CNTNAP3: variants seen among roughly 807,000 people sequenced by gnomAD.
CNTNAP3 encodes contactin associated protein family member 3, also known as contactin-associated protein-like 3.
In CNTNAP3, 36 loss-of-function variants were observed where a neutral mutation model predicts 92.1. The ratio of observed to expected loss-of-function variants is 0.39; its 90% CI spans 0.30 to 0.52. The LOEUF (loss-of-function observed/expected upper bound fraction) is 0.52. Among genes scored for constraint, CNTNAP3 ranks in the 20% least tolerant of loss-of-function variants. The pLI, the probability that CNTNAP3 is intolerant of heterozygous loss-of-function variation, is 0.76. For missense variants in CNTNAP3, 534 were observed against 1,069.6 expected, an observed-to-expected ratio of 0.50 and a Z score of 6.98; for synonymous variants, 232 against 422.3, an observed-to-expected ratio of 0.55 and a Z score of 5.53.
intron 10 of CNTNAP3, among the ~76,000 whole-genome samples, chr9:39,148,342 T>A (rs373138989): frequency 2.4e-4 from 37 of 152,346 alleles, no homozygotes; most frequent in African/African-American, 8.7e-4. Context: ...ACAGTCCATA[T>A]GAATGAACTT....
chr9:39,136,029 C>T (rs1175746757), intron 12 of CNTNAP3, among the ~76,000 whole-genome samples: 1 of 151,386 alleles, frequency 6.6e-6, no homozygotes, highest in African/African-American at 2.4e-5. Flanking sequence ...CCGGGGAGGC[C>T]GAGGCAGAAG....
chr9:39,078,839 C>A lies in CNTNAP3; in HGVS notation c.3524G>T (p.Arg1175Leu). Residue 1175 changes from arginine (R) to leucine (L), a missense_variant, in exon 22 of 24, where the codon CGC becomes CTC. Arg to Leu is a moderately radical substitution (Grantham distance 102, BLOSUM62 -2). Transcript: ENST00000297668. ...TGCLSAVRFG[R>L]AAPLKAALRP... is the part of the protein sequence containing the mutation. ...CAGCGCCGCCTTCAGGGGAGCAGCG[C>A]GGCCGAAGCGCACCGCCGAGAGGCA... 2.0e-6 allele frequency: 3 copies of A among 1,533,404 alleles called. No individual in the cohort carries two copies. The South Asian group carries it at 3.6e-5, about 18-fold the overall frequency. 95.0% of individuals were successfully genotyped at this position (1,533,404 alleles called of 1,614,324 possible).
In CNTNAP3 at chr9:39,069,400, T is replaced by A. The variant is rs1825587921; in HGVS notation, c.*4490A>T. Among the ~76,000 whole-genome samples, 1 of 152,312 alleles carries A rather than the reference T, an allele frequency of 6.6e-6. No individual in the cohort carries two copies. Among genetic ancestry groups the A allele is most frequent in the South Asian group, 2.1e-4 (1 of 4,838 alleles). On this transcript the variant is annotated 3_prime_UTR_variant, in exon 24 of 24. Transcript: ENST00000297668. The stretch of plus-strand genomic sequence containing the variant: ...CTATTTTAAGGGCTTTCTTAAATTT[T>A]TAGGTACCATCACAAGCTAGCTAAG...
rs1428467793 is a variant in CNTNAP3 at position 39,071,170 on chromosome 9, A to G, written c.*2720T>C. Among the ~76,000 whole-genome samples the G allele has an allele frequency of 1.3e-5, 2 of 152,142 alleles. No homozygotes were observed. The highest frequency in any genetic ancestry group is 2.9e-5 in the Non-Finnish European group (2 of 68,002). ...CTCCATGTCTCTATTACAATGAAAGATCATACACAGTCTGGAAGAAAATGT... is the reference window on the plus strand; with the variant it reads ...CTCCATGTCTCTATTACAATGAAAGGTCATACACAGTCTGGAAGAAAATGT... On this transcript the variant is annotated 3_prime_UTR_variant, in exon 24 of 24. Coordinates refer to ENST00000297668, the MANE Select transcript of CNTNAP3 (RefSeq NM_033655.5).
In CNTNAP3 at chr9:39,069,021, C is replaced by CATAT. The variant is rs4062728; in HGVS notation, c.*4865_*4868dup. Among the ~76,000 whole-genome samples the CATAT allele has an allele frequency of 0.11, 15,591 of 144,788 alleles. No homozygotes were observed. The highest frequency in any genetic ancestry group is 0.17 in the Middle Eastern group (49 of 288). The allele number at this position is 144,788 out of a possible 152,430, so 95.0% of individuals were successfully genotyped here. ...ATATGTAAGTATAAACACACATACA[C>CATAT]ATATATATATGTATGTATATAACAC... On this transcript the variant is annotated 3_prime_UTR_variant, in exon 24 of 24. Coordinates refer to ENST00000297668, the MANE Select transcript of CNTNAP3 (RefSeq NM_033655.5).
intron 13 of CNTNAP3, among the ~76,000 whole-genome samples, chr9:39,131,229 G>C (rs931979754): frequency 2.6e-5 from 4 of 151,886 alleles, no homozygotes; most frequent in Non-Finnish European, 5.9e-5. Flanking sequence ...CTGGGAAGGA[G>C]AGTTTCTTAC....
At chr9:39,140,200 G>C (rs556078358) in intron 12 of CNTNAP3, 1 of 185,348 alleles carries the variant, frequency 5.4e-6, no homozygotes, top group Non-Finnish European at 1.1e-5. Flanking sequence ...AAAGACCTCT[G>C]TTTTTTCTAA....
At chr9:39,126,694 G>A (rs1402685821) in intron 13 of CNTNAP3, among the ~76,000 whole-genome samples, 1 of 151,820 alleles carries the variant, frequency 6.6e-6, no homozygotes, top group Non-Finnish European at 1.5e-5. Flanking sequence ...TATGCTTCCA[G>A]TACTTTCTGC....
chr9:39,207,464 AAT>A lies in CNTNAP3; in HGVS notation c.391-14191_391-14190del, dbSNP rs1646815860. On this transcript the variant is annotated intron_variant, in intron 3 of 23. Transcript: ENST00000297668. ...CTTTTGCACCATTGGTGGGAATGTA[AAT>A]GGTGCAGCTGCAATGGAAAACATTA... 6.6e-4 allele frequency among the ~76,000 whole-genome samples: 2 copies of A among 3,042 alleles called. 1 individual carries two copies. Among genetic ancestry groups the A allele is most frequent in the Non-Finnish European group, 1.7e-3 (2 of 1,208 alleles). The allele number at this position is 3,042 out of a possible 152,430, so 2.0% of individuals were successfully genotyped here. A position where few individuals can be genotyped will look rare whatever the true frequency, so the allele number is the denominator to read the frequency against.
intron 12 of CNTNAP3, among the ~76,000 whole-genome samples, chr9:39,136,130 A>AAATAATAATAATAATAAT (rs60137174): frequency 2.2e-4 from 32 of 144,926 alleles, no homozygotes; most frequent in African/African-American, 6.9e-4. Context: ...CTCTGTCTCA[A>AAATAATAATAATAATAAT]AATAATAATA....
At chr9:39,090,059 C>A (rs948853032) in intron 18 of CNTNAP3, among the ~76,000 whole-genome samples, 1 of 152,100 alleles carries the variant, frequency 6.6e-6, no homozygotes, top group African/African-American at 2.4e-5. Context: ...CCTGCCTCAG[C>A]CTCCCAAGTA....
intron 13 of CNTNAP3, among the ~76,000 whole-genome samples, chr9:39,129,115 C>T (rs924974297): frequency 6.6e-6 from 1 of 152,038 alleles, no homozygotes; most frequent in Non-Finnish European, 1.5e-5. Flanking sequence ...AAAATTCTAG[C>T]AAGATGTTTG....
At chr9:39,123,270 A>G (rs1821078765) in intron 13 of CNTNAP3, among the ~76,000 whole-genome samples, 1 of 151,492 alleles carries the variant, frequency 6.6e-6, no homozygotes, top group Non-Finnish European at 1.5e-5. Flanking sequence ...AATTTTTTGT[A>G]TTTTTAGTAG....
chr9:39,088,881 A>G (rs1219423565), intron 18 of CNTNAP3, among the ~76,000 whole-genome samples: 15 of 152,126 alleles, frequency 9.9e-5, no homozygotes. Context: ...AACACTTAAT[A>G]GAGATTTTAA....
intron 21 of CNTNAP3, among the ~76,000 whole-genome samples, chr9:39,079,144 C>G (rs1168087687): frequency 6.6e-6 from 1 of 152,108 alleles, no homozygotes; most frequent in East Asian, 1.9e-4. Flanking sequence ...CAGATTCGTT[C>G]AAGTGCAGAT....
intron 21 of CNTNAP3, among the ~76,000 whole-genome samples, chr9:39,081,618 T>C (rs936809658): frequency 6.6e-6 from 1 of 151,560 alleles, no homozygotes; most frequent in Admixed American, 6.6e-5. Flanking sequence ...AAAAAAAATA[T>C]TTGAGATAGG....
chr9:39,096,709 C>T (rs1587704936), intron 18 of CNTNAP3, among the ~76,000 whole-genome samples: 2 of 151,792 alleles, frequency 1.3e-5, no homozygotes, highest in South Asian at 2.1e-4. Context: ...AATATGTTAT[C>T]TCACTGTCCT....
chr9:39,141,219 A>G (rs1821567412), intron 11 of CNTNAP3, among the ~76,000 whole-genome samples: 1 of 152,220 alleles, frequency 6.6e-6, no homozygotes, highest in South Asian at 2.1e-4. Context: ...TAATTAAGGA[A>G]GAAACCCTCA....
chr9:39,091,058 T>C (rs534866850), intron 18 of CNTNAP3, among the ~76,000 whole-genome samples: 250 of 152,334 alleles, frequency 1.6e-3, no homozygotes, highest in African/African-American at 5.9e-3. Context: ...TGAACTTGGT[T>C]TTAGTTTTAA....
Sources: allele counts gnomAD v4.1 joint callset (sites outside exome capture counted in the v4.1 genomes callset), GRCh38; gene constraint gnomAD v4.1.1; transcripts MANE v1.5; gene names NCBI Gene and HGNC (gene_info 2026-07-23, HGNC 2026-07-21).